ARMC5: variants seen among roughly 807,000 people sequenced by gnomAD.
The protein encoded by ARMC5 is armadillo repeat-containing protein 5.
ARMC5 carries 28 observed loss-of-function variants against 60.5 expected under a neutral mutation model. That is an observed-to-expected ratio of 0.46 (90% confidence interval 0.34 to 0.63). ARMC5 has a LOEUF of 0.63. Ranked by LOEUF, ARMC5 falls within the 30% of genes least tolerant of loss-of-function variation. The pLI, the probability that ARMC5 is intolerant of heterozygous loss-of-function variation, is 0.01. For synonymous variants in ARMC5, 680 were observed against 607.3 expected (o/e 1.12, Z -1.76); for missense variants, 1,189 against 1,304.9 (o/e 0.91, Z 1.37).
chr16:31,462,363 C>A lies in ARMC5; in HGVS notation c.816C>A (p.Ala272=). The change falls in exon 3 of 6, where the codon GCC becomes GCA. Residue 272 remains alanine (A), a synonymous_variant. Coordinates refer to ENST00000268314, the MANE Select transcript of ARMC5 (RefSeq NM_001105247.2). This position sits in a 1 kb window ranked among gnomAD's most constrained non-coding sequence, Gnocchi z 7.2. Reference sequence around the variant, plus strand: ...AACTCAGCCGAGGCTGCTCCCGGGCCTGTGCTGAGCAGCTAAGTCTGGGTG... The same window carrying A: ...AACTCAGCCGAGGCTGCTCCCGGGCATGTGCTGAGCAGCTAAGTCTGGGTG... ...LLELSRGCSR[A]CAEQLSLGGG... 1 of 1,609,526 alleles carries A rather than the reference C, an allele frequency of 6.2e-7. No homozygotes were observed. Among genetic ancestry groups the A allele is most frequent in the Admixed American group, 1.7e-5 (1 of 59,938 alleles).
rs1366879617 is a variant in ARMC5, at chr16:31,459,563, G to C, written c.39G>C (p.Ser13=). ...AGCCAACCCTCACGGACTCGCTCTCGTTCTGCCTCGCGCAGCTCGCGGCGG... is the reference window on the plus strand; with the variant it reads ...AGCCAACCCTCACGGACTCGCTCTCCTTCTGCCTCGCGCAGCTCGCGGCGG... ...AAKPTLTDSL[S]FCLAQLAAAA... is the part of the protein sequence containing the mutation. The change falls in exon 1 of 6, where the codon TCG becomes TCC. Residue 13 remains serine (S), a synonymous_variant. Coordinates refer to ENST00000268314, the MANE Select transcript of ARMC5 (RefSeq NM_001105247.2). 4 of 1,605,794 alleles carry C rather than the reference G, an allele frequency of 2.5e-6. No individual in the cohort carries two copies. Among genetic ancestry groups the C allele is most frequent in the Non-Finnish European group, 3.4e-6 (4 of 1,179,422 alleles).
chr16:31,458,589 G>C (rs2082267372), upstream of ARMC5: 2 of 1,473,618 alleles, frequency 1.4e-6, no homozygotes, highest in Middle Eastern at 1.7e-4. Context: ...GGCACTCGCA[G>C]GTTTTGGGGC....
Position 31,462,480 on chromosome 16 carries a change from G to A in ARMC5, c.933G>A (p.Gln311=). 1 of 1,612,410 alleles carries A rather than the reference G, an allele frequency of 6.2e-7. No individual in the cohort carries two copies. Among genetic ancestry groups the A allele is most frequent in the South Asian group, 1.1e-5 (1 of 91,076 alleles). The part of the protein sequence containing the change: ...TILILANLCA[Q]GLIRPALGNA... ...TGATCCTCGCCAACCTGTGTGCCCA[G>A]GGCCTGATTCGGCCTGCACTGGGCA... Residue 311 remains glutamine, a synonymous_variant, in exon 3 of 6, where the codon CAG becomes CAA. Coordinates refer to ENST00000268314, the MANE Select transcript of ARMC5 (RefSeq NM_001105247.2). The surrounding 1 kb of genome is among the most constrained non-coding windows in gnomAD (Gnocchi z 7.2).
At chr16:31,458,346 A>G (rs570900443), upstream of ARMC5, 9 of 1,488,178 alleles carry the variant, frequency 6.0e-6, no homozygotes, top group African/African-American at 1.1e-4. Context: ...ATCAGGTTGG[A>G]GCTGACGCTG....
In ARMC5 at chr16:31,466,721, G is replaced by A. The variant is rs1304156799; in HGVS notation, c.2640G>A (p.Leu880=). The A allele has an allele frequency of 5.1e-6, 8 of 1,560,666 alleles. No homozygotes were observed. Among genetic ancestry groups the A allele is most frequent in the Middle Eastern group, 3.4e-4 (2 of 5,810 alleles). The change falls in exon 6 of 6, where the codon CTG becomes CTA. Residue 880 remains leucine (L), a synonymous_variant. Transcript: ENST00000268314. This position sits in a 1 kb window ranked among gnomAD's most constrained non-coding sequence, Gnocchi z 8.0. ...TGTTCCGCCTGGGCCGGCCCCGGCT[G>A]GCTGCCCACTGTGCCCGCTGGACAC... ...GEVFRLGRPR[L]AAHCARWTLG...
At position 31,462,065 on chromosome 16, in the gene ARMC5, G is replaced by A. The variant is rs756835129; in HGVS notation, c.583+36G>A. ...GTGAGGTTGGGGTCTGCTAGGGCTTGGGGCAGAAGAAAGGCTTGAGTGTCT... is the reference window on the plus strand; with the variant it reads ...GTGAGGTTGGGGTCTGCTAGGGCTTAGGGCAGAAGAAAGGCTTGAGTGTCT... On this transcript the variant is annotated intron_variant, in intron 2 of 5. Transcript: ENST00000268314. This position sits in a 1 kb window ranked among gnomAD's most constrained non-coding sequence, Gnocchi z 7.2. 49 of 1,613,290 alleles carry A rather than the reference G, an allele frequency of 3.0e-5. No individual in the cohort carries two copies. The highest frequency in any genetic ancestry group is 3.4e-5 in the Non-Finnish European group (40 of 1,179,398).
At chr16:31,460,098 T>A in intron 1 of ARMC5, 99 bp downstream of exon 1, 1 of 1,312,124 alleles carries the variant, frequency 7.6e-7, no homozygotes, top group Non-Finnish European at 1.1e-6. Flanking sequence ...TATCCCGGAA[T>A]AACGTGCTTT....
At chr16:31,459,104 T>C (rs562971504), upstream of ARMC5, 316 of 1,479,000 alleles carry the variant, frequency 2.1e-4, 1 homozygote, top group East Asian at 7.6e-3. Flanking sequence ...GCACCACCGC[T>C]GGGGGGCAGC....
chr16:31,466,970 C>G lies in ARMC5; in HGVS notation c.*81C>G. ...TCCCTGAGACTGGCAAGGGAGGAGG[C>G]TGAGCAGAAGGAGTCATCATGGAGG... is the stretch of plus-strand genomic sequence containing the variant. On this transcript the variant is annotated 3_prime_UTR_variant, in exon 6 of 6. Coordinates refer to ENST00000268314, the MANE Select transcript of ARMC5 (RefSeq NM_001105247.2). This position sits in a 1 kb window ranked among gnomAD's most constrained non-coding sequence, Gnocchi z 8.0. 1 of 1,407,802 alleles carries G rather than the reference C, an allele frequency of 7.1e-7. No individual in the cohort carries two copies. Among genetic ancestry groups the G allele is most frequent in the Admixed American group, 3.2e-5 (1 of 31,100 alleles). 87.2% of individuals were successfully genotyped at this position (1,407,802 alleles called of 1,614,324 possible).
Position 31,464,999 on chromosome 16 carries a change from G to C in ARMC5, c.1864+112G>C, listed in dbSNP as rs775695060. The C allele has an allele frequency of 6.2e-7, 1 of 1,610,980 alleles. No individual in the cohort carries two copies. Among genetic ancestry groups the C allele is most frequent in the African/African-American group, 1.3e-5 (1 of 74,828 alleles). Reference sequence around the variant, plus strand: ...CCCACTCACCTGTCCTCCCCAGCCCGTCCTCCAGACAACCTGTCACCAGAG... The same window carrying C: ...CCCACTCACCTGTCCTCCCCAGCCCCTCCTCCAGACAACCTGTCACCAGAG... On this transcript the variant is annotated intron_variant, in intron 4 of 5. Coordinates refer to ENST00000268314, the MANE Select transcript of ARMC5 (RefSeq NM_001105247.2). The surrounding 1 kb of genome is among the most constrained non-coding windows in gnomAD (Gnocchi z 7.6).
intron 3 of ARMC5, among the ~76,000 whole-genome samples, chr16:31,463,146 T>C (rs1302988177): frequency 6.6e-6 from 1 of 151,990 alleles, no homozygotes; most frequent in Non-Finnish European, 1.5e-5. Flanking sequence ...TCACCTAGGC[T>C]GGAATGCAGT....
At chr16:31,465,021 AG>A in intron 4 of ARMC5, 134 bp downstream of exon 4, 2 of 1,612,166 alleles carry the variant, frequency 1.2e-6, no homozygotes, top group Non-Finnish European at 1.7e-6. Context: ...ACCTGTCACC[AG>A]AGTGGGGTGG....
Position 31,465,213 on chromosome 16 carries a change from C to A in ARMC5, c.1864+326C>A. The A allele has an allele frequency of 6.4e-6, 10 of 1,562,070 alleles. No individual in the cohort carries two copies. The East Asian group carries it at 2.3e-4, about 35-fold the overall frequency. On this transcript the variant is annotated intron_variant, in intron 4 of 5. Coordinates refer to ENST00000268314, the MANE Select transcript of ARMC5 (RefSeq NM_001105247.2). ...CAGCACTGTCCTGACTGCTCCCCAC[C>A]AGCACGCTGACCTGTGAACCCCAGC...
chr16:31,463,053 C>T, intron 3 of ARMC5, 136 bp downstream of exon 3: 1 of 918,980 alleles, frequency 1.1e-6, no homozygotes, highest in Non-Finnish European at 1.6e-6. Flanking sequence ...CTGATTCCCA[C>T]ACGACCACCT....
Position 31,459,825 on chromosome 16 carries a change from T to C in ARMC5, c.301T>C (p.Ser101Pro), listed in dbSNP as rs2142562460. ...CCCCTCGTCGGCCGCGTCGGGAGCT[T>C]CTAGCCCCGCCCCCGCGTCGGGCCC... The part of the protein sequence containing the change: ...SAPSSAASGA[S>P]SPAPASGPAP... Residue 101 changes from serine to proline, a missense_variant, in exon 1 of 6, where the codon TCT (serine) becomes CCT (proline). Ser to Pro is a moderately conservative substitution (Grantham distance 74). Coordinates refer to ENST00000268314, the MANE Select transcript of ARMC5 (RefSeq NM_001105247.2). 2 of 1,557,374 alleles carry C rather than the reference T, an allele frequency of 1.3e-6. No homozygotes were observed. Among genetic ancestry groups the C allele is most frequent in the Non-Finnish European group, 1.7e-6 (2 of 1,158,052 alleles).
At position 31,464,577 on chromosome 16, in the gene ARMC5, T is replaced by G. The variant is rs1349904044; in HGVS notation, c.1554T>G (p.Pro518=). The G allele has an allele frequency of 1.3e-6, 2 of 1,584,252 alleles. No individual in the cohort carries two copies. Among genetic ancestry groups the G allele is most frequent in the South Asian group, 2.3e-5 (2 of 88,772 alleles). Reference sequence around the variant, plus strand: ...GCCCCGCCGCCGCCATCGAGGAGCCTTGGGGACGCGAAGGGCCAGCCCTGC... The same window carrying G: ...GCCCCGCCGCCGCCATCGAGGAGCCGTGGGGACGCGAAGGGCCAGCCCTGC... ...GRSPAAAIEE[P]WGREGPALLL... The change falls in exon 4 of 6, where the codon CCT becomes CCG. Residue 518 remains proline, a synonymous_variant. Coordinates refer to ENST00000268314, the MANE Select transcript of ARMC5 (RefSeq NM_001105247.2). This position sits in a 1 kb window ranked among gnomAD's most constrained non-coding sequence, Gnocchi z 7.6.
At chr16:31,458,431 C>T, upstream of ARMC5, 1 of 1,535,748 alleles carries the variant, frequency 6.5e-7, no homozygotes, top group Non-Finnish European at 8.7e-7. Context: ...CGGCTTTTCA[C>T]CGGTGTGTAC....
chr16:31,466,141 C>T lies in ARMC5; in HGVS notation c.2060C>T (p.Ala687Val), dbSNP rs765542578. The T allele has an allele frequency of 1.9e-6, 3 of 1,605,858 alleles. No homozygotes were observed. Among genetic ancestry groups the T allele is most frequent in the Non-Finnish European group, 2.5e-6 (3 of 1,179,788 alleles). ...GGTGGTCTCCGGCTCCTCCTTGCGGCGCTGACCCGGCCGGCCCCACACCCG... is the reference window on the plus strand; with the variant it reads ...GGTGGTCTCCGGCTCCTCCTTGCGGTGCTGACCCGGCCGGCCCCACACCCG... ...EQGGLRLLLA[A>V]LTRPAPHPLF... The change falls in exon 6 of 6, where the codon GCG (alanine) becomes GTG (valine). Residue 687 changes from alanine to valine, a missense_variant. Coordinates refer to ENST00000268314, the MANE Select transcript of ARMC5 (RefSeq NM_001105247.2). This position sits in a 1 kb window ranked among gnomAD's most constrained non-coding sequence, Gnocchi z 8.0.
At chr16:31,465,192 A>C in intron 4 of ARMC5, 1 of 1,577,000 alleles carries the variant, frequency 6.3e-7, no homozygotes, top group Non-Finnish European at 8.6e-7. Context: ...TTGGTTCAGC[A>C]CTGTCCTGAC....
Sources: gnomAD v4.1 joint callset for allele counts (sites outside exome capture counted in the v4.1 genomes callset) on GRCh38, gnomAD v4.1.1 for gene constraint, Gnocchi (gnomAD v3.1) non-coding constraint, MANE v1.5 for transcripts, NCBI Gene and HGNC (gene_info 2026-07-23, HGNC 2026-07-21) for gene names.